The following GTF2H1 variants were observed in gnomAD, a reference collection of about 807,000 sequenced individuals.
GTF2H1 encodes BTF2 p62.
Under a neutral mutation model 71.2 loss-of-function variants are expected in GTF2H1, and 16 were observed. That is an observed-to-expected ratio of 0.22 (90% CI 0.15 to 0.34). The LOEUF (loss-of-function observed/expected upper bound fraction) is 0.34, where lower values mean the gene tolerates loss of function less well. Among genes scored for constraint, GTF2H1 ranks in the 10% least tolerant of loss-of-function variants. The pLI is 1.00. For synonymous variants in GTF2H1, 215 were observed against 219.0 expected, an observed-to-expected ratio of 0.98 and a Z score of 0.16; for missense variants, 498 against 648.2, an observed-to-expected ratio of 0.77 and a Z score of 2.52.
intron 14 of GTF2H1, among the ~76,000 whole-genome samples, chr11:18,362,668 CTTTTTTTTTTTTT>C (rs35306497): frequency 9.3e-6 from 1 of 107,932 alleles, no homozygotes; most frequent in Non-Finnish European, 1.8e-5. Context: ...TTTTCTTTTT[CTTTTTTTTTTTTT>C]TTTTTTTGAG....
intron 13 of GTF2H1, 107 bp downstream of exon 13, chr11:18,358,747 A>G (rs1865627194): frequency 2.8e-6 from 2 of 708,388 alleles, no homozygotes; most frequent in Non-Finnish European, 2.5e-6. Flanking sequence ...ACACTGGGAT[A>G]ACTCTTTTGC....
intron 9 of GTF2H1, among the ~76,000 whole-genome samples, chr11:18,351,160 G>T (rs1428616859): frequency 2.0e-5 from 3 of 152,072 alleles, no homozygotes; most frequent in Non-Finnish European, 4.4e-5. Flanking sequence ...GAGCATGGTA[G>T]CATGTGTCTG....
chr11:18,357,867 T>C, intron 11 of GTF2H1, 85 bp from the exon 12 acceptor site: 3 of 784,940 alleles, frequency 3.8e-6, no homozygotes, highest in Non-Finnish European at 6.7e-6. Flanking sequence ...CATTGTCTGC[T>C]CTAAAACTAA....
rs770371662 is a variant in GTF2H1 at position 18,335,901 on chromosome 11, C to T, written c.302C>T (p.Pro101Leu). 1 of 1,613,896 alleles carries T rather than the reference C, an allele frequency of 6.2e-7. No individual in the cohort carries two copies. The highest frequency in any genetic ancestry group is 2.2e-5 in the East Asian group (1 of 44,870). The change falls in exon 3 of 15, where the codon CCC becomes CTC. Residue 101 changes from proline (P) to leucine (L), a missense_variant. Transcript: ENST00000265963. ...AAAGACCTTCTTCAGCAGCTGCTGC[C>T]CAAATTCAAGAGGAAAGCAAATAAA... ...AVKDLLQQLL[P>L]KFKRKANKEL...
rs1865025033 is a variant in GTF2H1 at position 18,336,189 on chromosome 11, C to A, written c.347+243C>A. Among the ~76,000 whole-genome samples, 2 of 152,000 alleles carry A rather than the reference C, an allele frequency of 1.3e-5. 1 individual carries two copies. Among genetic ancestry groups the A allele is most frequent in the South Asian group, 4.2e-4 (2 of 4,810 alleles). Reference sequence around the variant, plus strand: ...TCGCCTAGGCTGGAGTGCAGTGGCACAATCTTGGCTCGCTGCAACCTCCAC... The same window carrying A: ...TCGCCTAGGCTGGAGTGCAGTGGCAAAATCTTGGCTCGCTGCAACCTCCAC... On this transcript the variant is annotated intron_variant, in intron 3 of 14. Coordinates refer to ENST00000265963, the MANE Select transcript of GTF2H1 (RefSeq NM_005316.4).
At chr11:18,344,656 ATCCT>A (rs1865243179) in intron 7 of GTF2H1, among the ~76,000 whole-genome samples, 1 of 151,252 alleles carries the variant, frequency 6.6e-6, no homozygotes. Flanking sequence ...TATAAATCAG[ATCCT>A]AATAATCCCC....
In GTF2H1 at chr11:18,338,172, C is replaced by T; in HGVS notation, c.411C>T (p.Ile137=). Residue 137 remains isoleucine (I), a synonymous_variant, in exon 4 of 15, where the codon ATC becomes ATT. Transcript: ENST00000265963. ...LYKDLVVSQV[I]SAEEFWANRL... Reference sequence around the variant, plus strand: ...AAGACCTTGTTGTGAGTCAAGTGATCAGTGCTGAGGAATTCTGGGCCAATC... The same window carrying T: ...AAGACCTTGTTGTGAGTCAAGTGATTAGTGCTGAGGAATTCTGGGCCAATC... 6.2e-7 allele frequency: 1 copy of T among 1,606,912 alleles called. No individual in the cohort carries two copies. The highest frequency in any genetic ancestry group is 8.5e-7 in the Non-Finnish European group (1 of 1,173,404).
intron 1 of GTF2H1, chr11:18,324,312 T>C (rs1376396902): frequency 6.6e-6 from 1 of 152,188 alleles, no homozygotes; most frequent in Non-Finnish European, 1.5e-5. Flanking sequence ...TTTGAGTCTC[T>C]CTTAGGTGAT....
At position 18,339,003 on chromosome 11, in the gene GTF2H1, T is replaced by C. The variant is rs556274189; in HGVS notation, c.514-561T>C. ...GGTTAAATGTATCATGACCATATTA[T>C]AGAAAATGTAAGATTTGTAAACTAT... On this transcript the variant is annotated intron_variant, in intron 4 of 14. Coordinates refer to ENST00000265963, the MANE Select transcript of GTF2H1 (RefSeq NM_005316.4). 4.6e-5 allele frequency among the ~76,000 whole-genome samples: 7 copies of C among 152,286 alleles called. No homozygotes were observed. The South Asian group carries it at 1.0e-3, about 23-fold the overall frequency.
chr11:18,331,271 G>A (rs1864888715), intron 1 of GTF2H1, among the ~76,000 whole-genome samples: 1 of 152,090 alleles, frequency 6.6e-6, no homozygotes, highest in South Asian at 2.1e-4. Context: ...GCCCAGACTG[G>A]TCTCGAGCTC....
At chr11:18,334,350 A>G (rs1306964284) in intron 2 of GTF2H1, among the ~76,000 whole-genome samples, 1 of 152,234 alleles carries the variant, frequency 6.6e-6, no homozygotes, top group Non-Finnish European at 1.5e-5. Context: ...ACTGCACTCC[A>G]GTCTGGGTGC....
chr11:18,364,838 C>G (rs1033316623), intron 14 of GTF2H1, among the ~76,000 whole-genome samples: 4 of 152,116 alleles, frequency 2.6e-5, no homozygotes, highest in African/African-American at 9.7e-5. Flanking sequence ...GAATTAACTG[C>G]AGGAGCTTTT....
intron 4 of GTF2H1, among the ~76,000 whole-genome samples, chr11:18,338,742 C>T (rs985154929): frequency 2.0e-5 from 3 of 152,192 alleles, no homozygotes; most frequent in Non-Finnish European, 4.4e-5. Context: ...AGCTATCACA[C>T]TCAGCCCTCT....
chr11:18,330,937 C>T (rs545987010), intron 1 of GTF2H1, among the ~76,000 whole-genome samples: 25 of 152,218 alleles, frequency 1.6e-4, no homozygotes, highest in Non-Finnish European at 3.4e-4. Flanking sequence ...ACTACTCATA[C>T]TTGAGATAAT....
At chr11:18,331,806 T>G (rs921135999) in intron 1 of GTF2H1, among the ~76,000 whole-genome samples, 1 of 152,170 alleles carries the variant, frequency 6.6e-6, no homozygotes, top group Non-Finnish European at 1.5e-5. Flanking sequence ...TATGTTCAAA[T>G]AGAAGTTCTC....
At chr11:18,346,732 A>ATTTTTT (rs1865302683) in intron 7 of GTF2H1, among the ~76,000 whole-genome samples, 1 of 56,882 alleles carries the variant, frequency 1.8e-5, no homozygotes, top group Non-Finnish European at 3.5e-5. Flanking sequence ...CTTTTTATTT[A>ATTTTTT]CTTTTTTTTT....
At chr11:18,332,862 C>A (rs1224791894) in intron 1 of GTF2H1, 198 bp from the exon 2 acceptor site, 2 of 437,244 alleles carry the variant, frequency 4.6e-6, no homozygotes, top group Non-Finnish European at 8.1e-6. Context: ...GTGGTATGAG[C>A]AAAATGAAAT....
chr11:18,365,712 CA>C (rs1262203488), intron 14 of GTF2H1, 70 bp from the exon 15 acceptor site: 1 of 973,864 alleles, frequency 1.0e-6, no homozygotes, highest in African/African-American at 1.6e-5. Flanking sequence ...AAGTGTGTGC[CA>C]GATTTGGGTT....
At chr11:18,324,899 A>C (rs1259891821) in intron 1 of GTF2H1, among the ~76,000 whole-genome samples, 1 of 152,210 alleles carries the variant, frequency 6.6e-6, no homozygotes, top group African/African-American at 2.4e-5. Flanking sequence ...AAAATGTACA[A>C]GTGCTCAGTC....
Sources: gnomAD v4.1 joint callset for allele counts (sites outside exome capture counted in the v4.1 genomes callset) on GRCh38, gnomAD v4.1.1 for gene constraint, MANE v1.5 for transcripts, NCBI Gene and HGNC (gene_info 2026-07-23, HGNC 2026-07-21) for gene names.